Variants in PIGK observed in about 807,000 individuals in gnomAD.
PIGK encodes phosphatidylinositol glycan anchor biosynthesis class K.
In PIGK, 42 loss-of-function variants were observed where a neutral mutation model predicts 50.6. The ratio of observed to expected loss-of-function variants is 0.83; its 90% CI spans 0.65 to 1.07. PIGK has a LOEUF of 1.07. Among genes scored for constraint, PIGK ranks in the 50% least tolerant of loss-of-function variants. The pLI, the probability that PIGK is intolerant of heterozygous loss-of-function variation, is 0.00. For missense variants in PIGK, 448 were observed against 488.7 expected (o/e 0.92, Z 0.78); for synonymous variants, 151 against 156.0 (o/e 0.97, Z 0.24).
chr1:77,124,622 A>AC (rs1557799088), intron 9 of PIGK, among the ~76,000 whole-genome samples: 2 of 145,150 alleles, frequency 1.4e-5, no homozygotes, highest in Non-Finnish European at 3.0e-5. Flanking sequence ...ACAAACAACA[A>AC]AAAAAAAAAC....
intron 10 of PIGK, among the ~76,000 whole-genome samples, chr1:77,100,750 C>T (rs911377220): frequency 1.3e-5 from 2 of 152,118 alleles, no homozygotes; most frequent in Admixed American, 6.6e-5. Context: ...TAGATATATT[C>T]GAAGTAGCCA....
intron 3 of PIGK, among the ~76,000 whole-genome samples, chr1:77,189,587 A>G (rs1199170536): frequency 6.6e-6 from 1 of 151,458 alleles, no homozygotes; most frequent in Non-Finnish European, 1.5e-5. Flanking sequence ...GCCCTCAAAC[A>G]TTGGACTCCA....
rs1226472325 is a variant in PIGK at position 77,219,381 on chromosome 1, T to C, written c.22A>G (p.Ser8Gly). 1 of 1,613,652 alleles carries C rather than the reference T, an allele frequency of 6.2e-7. No individual in the cohort carries two copies. The highest frequency in any genetic ancestry group is 8.5e-7 in the Non-Finnish European group (1 of 1,179,774). MAVTDSL[S>G]RAATVLATVL... is the part of the protein sequence containing the mutation. The stretch of plus-strand genomic sequence containing the variant: ...GTTGCCAAGACAGTCGCAGCCCGGC[T>C]GAGGCTGTCGGTGACGGCCATGTTT... The change falls in exon 1 of 11, where the codon AGC becomes GGC. Residue 8 changes from serine (S) to glycine (G), a missense_variant. By Grantham distance (56) the Ser-to-Gly change is moderately conservative. Coordinates refer to ENST00000370812, the MANE Select transcript of PIGK (RefSeq NM_005482.3).
rs371346587 is a variant in PIGK at position 77,118,956 on chromosome 1, C to T, written c.1071+3319G>A. Among the ~76,000 whole-genome samples, 17 of 152,240 alleles carry T rather than the reference C, an allele frequency of 1.1e-4. No homozygotes were observed. The South Asian group carries it at 1.7e-3, about 15-fold the overall frequency. Reference sequence around the variant, plus strand: ...CCACCCTACACATCAAAAGTTATTACGCATATAAATATTTCTTATCATGAA... The same window carrying T: ...CCACCCTACACATCAAAAGTTATTATGCATATAAATATTTCTTATCATGAA... On this transcript the variant is annotated intron_variant, in intron 10 of 10. Coordinates refer to ENST00000370812, the MANE Select transcript of PIGK (RefSeq NM_005482.3).
chr1:77,094,760 C>G (rs1273190918), intron 10 of PIGK, among the ~76,000 whole-genome samples: 1 of 152,112 alleles, frequency 6.6e-6, no homozygotes. Context: ...GTCCTGGCAG[C>G]TATTTTGACC....
chr1:77,142,985 T>C (rs952493836), intron 9 of PIGK, among the ~76,000 whole-genome samples: 17 of 152,182 alleles, frequency 1.1e-4, no homozygotes, highest in African/African-American at 4.1e-4. Context: ...ACTTGTAGAA[T>C]ATTTGAAAAC....
chr1:77,148,183 T>C (rs1654813212), intron 9 of PIGK, among the ~76,000 whole-genome samples: 7 of 152,196 alleles, frequency 4.6e-5, no homozygotes, highest in Admixed American at 4.6e-4. Flanking sequence ...TCTCTCATTA[T>C]ATACTTTAAA....
At chr1:77,147,763 A>C (rs1023069203) in intron 9 of PIGK, among the ~76,000 whole-genome samples, 2 of 152,238 alleles carry the variant, frequency 1.3e-5, no homozygotes, top group African/African-American at 4.8e-5. Context: ...AGCAAAGCTT[A>C]TTACAATCAG....
At chr1:77,205,269 A>G (rs1656262956) in intron 3 of PIGK, among the ~76,000 whole-genome samples, 1 of 151,986 alleles carries the variant, frequency 6.6e-6, no homozygotes, top group African/African-American at 2.4e-5. Context: ...AGCTAACTAC[A>G]TAGGCCTATT....
At chr1:77,148,475 G>T (rs1165567748) in intron 9 of PIGK, among the ~76,000 whole-genome samples, 1 of 151,956 alleles carries the variant, frequency 6.6e-6, no homozygotes, top group Admixed American at 6.6e-5. Flanking sequence ...ACAATCTTCG[G>T]CAATGACAAT....
chr1:77,197,108 A>G (rs1323987820), intron 3 of PIGK, among the ~76,000 whole-genome samples: 1 of 152,192 alleles, frequency 6.6e-6, no homozygotes, highest in Admixed American at 6.5e-5. Context: ...AATGCAATCA[A>G]CGTAATTAGA....
chr1:77,105,449 T>G (rs1041959696), intron 10 of PIGK, among the ~76,000 whole-genome samples: 6 of 152,024 alleles, frequency 3.9e-5, no homozygotes, highest in Non-Finnish European at 8.8e-5. Context: ...CACCCCTATC[T>G]GCCTAGAATT....
rs530593319 is a variant in PIGK, at chr1:77,163,722, TAA to T, written c.584+122_584+123del. Reference sequence around the variant, plus strand: ...TCAGAGGAAATAACAAATGTAAATTTAAAAGAGTCAAAGAAATTGTCAAAATA... The same window carrying T: ...TCAGAGGAAATAACAAATGTAAATTTAAGAGTCAAAGAAATTGTCAAAATA... On this transcript the variant is annotated intron_variant, in intron 6 of 10. Transcript: ENST00000370812. 851 of 606,696 alleles carry T rather than the reference TAA, an allele frequency of 1.4e-3. 3 individuals carry two copies. The highest frequency in any genetic ancestry group is 5.0e-3 in the Middle Eastern group (13 of 2,578). 37.6% of individuals were successfully genotyped at this position (606,696 alleles called of 1,614,324 possible). A position where few individuals can be genotyped will look rare whatever the true frequency, so the allele number is the denominator to read the frequency against.
At chr1:77,143,007 G>A (rs1312275731) in intron 9 of PIGK, among the ~76,000 whole-genome samples, 2 of 152,046 alleles carry the variant, frequency 1.3e-5, no homozygotes, top group Non-Finnish European at 2.9e-5. Flanking sequence ...CAGTAGCAAG[G>A]CACACCATTA....
At chr1:77,129,507 G>C (rs1232709304) in intron 9 of PIGK, 1 of 1,428,558 alleles carries the variant, frequency 7.0e-7, no homozygotes, top group Non-Finnish European at 9.7e-7. Context: ...GACCTACAGA[G>C]CTCATGGTCG....
chr1:77,097,448 A>C (rs1653441896), intron 10 of PIGK, among the ~76,000 whole-genome samples: 1 of 152,162 alleles, frequency 6.6e-6, no homozygotes, highest in Non-Finnish European at 1.5e-5. Context: ...GTGCTGGAGA[A>C]ATGCACACTA....
chr1:77,113,358 T>A (rs1979883), intron 10 of PIGK, among the ~76,000 whole-genome samples: 26,779 of 151,988 alleles, frequency 0.18, 2,554 homozygotes, highest in East Asian at 0.36. Context: ...TAGGGATGTT[T>A]GTATTCTAAA....
intron 3 of PIGK, among the ~76,000 whole-genome samples, chr1:77,199,119 T>C (rs926659298): frequency 6.6e-6 from 1 of 152,052 alleles, no homozygotes; most frequent in African/African-American, 2.4e-5. Flanking sequence ...GACTTGCAAA[T>C]TGGTCCTACA....
At chr1:77,204,222 C>T (rs567712086) in intron 3 of PIGK, among the ~76,000 whole-genome samples, 3 of 152,188 alleles carry the variant, frequency 2.0e-5, no homozygotes, top group East Asian at 3.9e-4. Flanking sequence ...AATGGCCACT[C>T]TGGGAATGTC....
Sources: gnomAD v4.1 joint callset for allele counts (sites outside exome capture counted in the v4.1 genomes callset) on GRCh38, gnomAD v4.1.1 for gene constraint, MANE v1.5 for transcripts, NCBI Gene and HGNC (gene_info 2026-07-23, HGNC 2026-07-21) for gene names.